Variants in HTR2C observed in about 807,000 individuals in gnomAD.
HTR2C encodes 5-hydroxytryptamine receptor 2C, also known as 5-hydroxytryptamine (serotonin) receptor 2C, G protein-coupled.
Under a neutral mutation model 21.0 loss-of-function variants are expected in HTR2C, and 5 were observed. That is an observed-to-expected ratio of 0.24 (90% CI 0.12 to 0.50). The LOEUF is 0.50. Ranked by LOEUF, HTR2C falls within the 20% of genes least tolerant of loss-of-function variation. The pLI is 0.98. For synonymous variants in HTR2C, 150 were observed against 145.3 expected, an observed-to-expected ratio of 1.03 and a Z score of -0.23; for missense variants, 271 against 371.2, an observed-to-expected ratio of 0.73 and a Z score of 2.22.
intron 4 of HTR2C, among the ~76,000 whole-genome samples, chrX:114,739,012 CATT>C (rs2069618609): frequency 9.1e-6 from 1 of 109,887 alleles, no homozygotes; most frequent in South Asian, 3.7e-4. Context: ...ATATTTATAA[CATT>C]AACATAAAAA....
chrX:114,844,704 T>G (rs2070861032), intron 4 of HTR2C, among the ~76,000 whole-genome samples: 1 of 111,381 alleles, frequency 9.0e-6, no homozygotes, highest in African/African-American at 3.3e-5. Flanking sequence ...AAAATAGAGT[T>G]GAGGTGGCTG....
intron 1 of HTR2C, among the ~76,000 whole-genome samples, chrX:114,613,522 ACT>A (rs1928831019): frequency 9.0e-6 from 1 of 110,890 alleles, no homozygotes; most frequent in African/African-American, 3.3e-5. Flanking sequence ...TCATCCTGTG[ACT>A]TAGAATGCCT....
At chrX:114,599,239 T>G (rs782060030) in intron 1 of HTR2C, among the ~76,000 whole-genome samples, 1 of 111,990 alleles carries the variant, frequency 8.9e-6, no homozygotes, top group Non-Finnish European at 1.9e-5. Context: ...TGTGTGTGTG[T>G]TATATAATAT....
chrX:114,884,402 A>G (rs2071204972), intron 5 of HTR2C, among the ~76,000 whole-genome samples: 1 of 111,441 alleles, frequency 9.0e-6, no homozygotes, highest in Non-Finnish European at 1.9e-5. Context: ...TGTAAACCAT[A>G]CATCTGATAA....
intron 5 of HTR2C, among the ~76,000 whole-genome samples, chrX:114,860,063 CT>C (rs2070994503): frequency 9.0e-6 from 1 of 111,244 alleles, no homozygotes; most frequent in Non-Finnish European, 1.9e-5. Context: ...TTGTCATTGC[CT>C]TTTGGCCAGC....
At chrX:114,655,761 A>G (rs1476217282) in intron 2 of HTR2C, among the ~76,000 whole-genome samples, 2 of 110,829 alleles carry the variant, frequency 1.8e-5, no homozygotes, top group Non-Finnish European at 3.8e-5. Context: ...TTCCTTCGGA[A>G]CATATTATAC....
At chrX:114,777,509 A>C (rs2070070620) in intron 4 of HTR2C, among the ~76,000 whole-genome samples, 1 of 112,160 alleles carries the variant, frequency 8.9e-6, no homozygotes, top group Non-Finnish European at 1.9e-5. Context: ...TAAAATATCT[A>C]ATTTTCAACA....
intron 4 of HTR2C, among the ~76,000 whole-genome samples, chrX:114,827,871 A>G (rs1440701686): frequency 2.7e-5 from 3 of 110,856 alleles, no homozygotes; most frequent in South Asian, 3.7e-4. Context: ...GCAACTTTCA[A>G]TGTTTTTGTC....
intron 4 of HTR2C, among the ~76,000 whole-genome samples, chrX:114,812,454 G>C (rs2070541442): frequency 9.0e-6 from 1 of 111,016 alleles, no homozygotes; most frequent in Admixed American, 9.6e-5. Context: ...CTTGGGCCGG[G>C]CTCGGTGGCT....
At chrX:114,606,720 C>T (rs1047370986) in intron 1 of HTR2C, among the ~76,000 whole-genome samples, 36 of 111,621 alleles carry the variant, frequency 3.2e-4, no homozygotes, top group African/African-American at 9.8e-4. Context: ...ATCTTTCTCA[C>T]GGAGCAAAGA....
intron 1 of HTR2C, among the ~76,000 whole-genome samples, chrX:114,594,867 T>C (rs782104276): frequency 5.1e-4 from 57 of 111,793 alleles, no homozygotes; most frequent in Non-Finnish European, 8.3e-4. Context: ...TCTTATATTC[T>C]GTTTCCTGTT....
intron 1 of HTR2C, among the ~76,000 whole-genome samples, chrX:114,611,721 G>C (rs2147804000): frequency 9.0e-6 from 1 of 111,339 alleles, no homozygotes; most frequent in East Asian, 2.8e-4. Flanking sequence ...TTTTTGAGAC[G>C]GAGTCTCGCT....
intron 5 of HTR2C, among the ~76,000 whole-genome samples, chrX:114,852,468 CTTAAA>C (rs2070926536): frequency 9.2e-6 from 1 of 109,077 alleles, no homozygotes; most frequent in African/African-American, 3.3e-5. Flanking sequence ...TTTTTCCATT[CTTAAA>C]TTAAAAGTTA....
intron 4 of HTR2C, among the ~76,000 whole-genome samples, chrX:114,829,954 C>T (rs2070706929): frequency 1.8e-5 from 2 of 111,213 alleles, no homozygotes; most frequent in Non-Finnish European, 1.9e-5. Context: ...TTTGGCTATT[C>T]GAGATCCCTT....
chrX:114,786,408 C>T (rs1424809287), intron 4 of HTR2C, among the ~76,000 whole-genome samples: 1 of 111,742 alleles, frequency 8.9e-6, no homozygotes, highest in Non-Finnish European at 1.9e-5. Flanking sequence ...TTATCCCAAG[C>T]TGAAACAACT....
At chrX:114,700,419 A>G (rs188647853) in intron 2 of HTR2C, among the ~76,000 whole-genome samples, 49 of 111,768 alleles carry the variant, frequency 4.4e-4, no homozygotes, top group African/African-American at 1.4e-3. Context: ...TGTTTTGCTG[A>G]TGGGATCTGA....
intron 2 of HTR2C, among the ~76,000 whole-genome samples, chrX:114,661,576 G>T (rs2147842005): frequency 9.1e-6 from 1 of 110,353 alleles, no homozygotes; most frequent in African/African-American, 3.3e-5. Context: ...TCACCATGTT[G>T]GCCAGGCTGG....
chrX:114,672,794 T>C (rs1370636224), intron 2 of HTR2C, among the ~76,000 whole-genome samples: 1 of 112,566 alleles, frequency 8.9e-6, no homozygotes, highest in African/African-American at 3.2e-5. Context: ...TATGTTAATA[T>C]GCAGATATTG....
chrX:114,754,005 A>G (rs2069786539), intron 4 of HTR2C, among the ~76,000 whole-genome samples: 1 of 111,406 alleles, frequency 9.0e-6, no homozygotes, highest in South Asian at 3.8e-4. Context: ...GTAGATGGCC[A>G]TGTTCTTCTT....
Sources: allele counts gnomAD v4.1 joint callset (sites outside exome capture counted in the v4.1 genomes callset), GRCh38; gene constraint gnomAD v4.1.1; transcripts MANE v1.5; gene names NCBI Gene and HGNC (gene_info 2026-07-23, HGNC 2026-07-21).